The following FAF1 variants were observed in gnomAD, a reference collection of about 807,000 sequenced individuals.
FAF1 encodes FAS-associated factor 1.
Under a neutral mutation model 92.5 loss-of-function variants are expected in FAF1, and 25 were observed. That is an observed-to-expected ratio of 0.27 (90% CI 0.20 to 0.38). FAF1 has a LOEUF of 0.38. FAF1 is among the 10% of genes least tolerant of loss of function. The probability of loss-of-function intolerance (pLI) is 1.00; values close to 1 mark genes in which losing one functional copy is unlikely to be tolerated. For synonymous variants in FAF1, 234 were observed against 273.2 expected, an observed-to-expected ratio of 0.86 and a Z score of 1.42; for missense variants, 636 against 793.3, an observed-to-expected ratio of 0.80 and a Z score of 2.38.
At chr1:50,714,556 CCA>C (rs1206126493) in intron 6 of FAF1, among the ~76,000 whole-genome samples, 1 of 151,952 alleles carries the variant, frequency 6.6e-6, no homozygotes, top group Non-Finnish European at 1.5e-5. Flanking sequence ...AAAAAAACCT[CCA>C]CATCTTCATG....
At chr1:50,833,901 G>A (rs1411730324) in intron 2 of FAF1, among the ~76,000 whole-genome samples, 1 of 152,182 alleles carries the variant, frequency 6.6e-6, no homozygotes, top group East Asian at 1.9e-4. Context: ...CACATTCCAG[G>A]CGCTCATGAA....
At chr1:50,588,395 C>G (rs1230189560) in intron 9 of FAF1, among the ~76,000 whole-genome samples, 1 of 152,172 alleles carries the variant, frequency 6.6e-6, no homozygotes, top group Non-Finnish European at 1.5e-5. Context: ...TTGGTGGTAT[C>G]ATCTTTCCGA....
chr1:50,842,777 A>AT (rs1644266086), intron 2 of FAF1, among the ~76,000 whole-genome samples: 1 of 152,036 alleles, frequency 6.6e-6, no homozygotes. Flanking sequence ...CCCCCTCTAT[A>AT]TCTTTAGTCA....
At chr1:50,907,548 A>G (rs1417507113) in intron 1 of FAF1, among the ~76,000 whole-genome samples, 3 of 152,158 alleles carry the variant, frequency 2.0e-5, no homozygotes, top group African/African-American at 7.2e-5. Flanking sequence ...TTATTGCCTC[A>G]ATTTCAGAGC....
intron 4 of FAF1, among the ~76,000 whole-genome samples, chr1:50,753,356 T>C (rs906385062): frequency 1.3e-5 from 2 of 152,264 alleles, no homozygotes; most frequent in African/African-American, 4.8e-5. Context: ...CTTTTATTAA[T>C]AAGTATACCA....
At chr1:50,648,254 G>A (rs988958097) in intron 8 of FAF1, among the ~76,000 whole-genome samples, 15 of 151,636 alleles carry the variant, frequency 9.9e-5, no homozygotes, top group South Asian at 2.1e-4. Flanking sequence ...GTGAAACTCC[G>A]TCTCAAAACA....
intron 9 of FAF1, among the ~76,000 whole-genome samples, chr1:50,585,330 C>G (rs1281625100): frequency 6.6e-6 from 1 of 152,108 alleles, no homozygotes; most frequent in Non-Finnish European, 1.5e-5. Context: ...TATGAAAGCT[C>G]TTTGTAAACT....
chr1:50,682,579 C>G (rs1345732636), intron 7 of FAF1, among the ~76,000 whole-genome samples: 2 of 152,172 alleles, frequency 1.3e-5, no homozygotes, highest in African/African-American at 4.8e-5. Flanking sequence ...GATGGCAGAA[C>G]TCCAAAACAA....
At chr1:50,647,647 C>T (rs1654655477) in intron 8 of FAF1, among the ~76,000 whole-genome samples, 1 of 152,188 alleles carries the variant, frequency 6.6e-6, no homozygotes, top group African/African-American at 2.4e-5. Flanking sequence ...TTAAGGCATT[C>T]TTTCTAGTAC....
At chr1:50,720,382 A>G (rs1449770698) in intron 6 of FAF1, among the ~76,000 whole-genome samples, 1 of 152,238 alleles carries the variant, frequency 6.6e-6, no homozygotes, top group African/African-American at 2.4e-5. Context: ...TTGAACAGTA[A>G]TCACAATGTA....
At chr1:50,532,172 TA>T (rs764460230) in intron 15 of FAF1, among the ~76,000 whole-genome samples, 2 of 152,156 alleles carry the variant, frequency 1.3e-5, no homozygotes, top group South Asian at 2.1e-4. Flanking sequence ...GAAGACACTC[TA>T]AAAACAAAGA....
chr1:50,930,568 G>A (rs1645039552), intron 1 of FAF1, among the ~76,000 whole-genome samples: 4 of 152,340 alleles, frequency 2.6e-5, no homozygotes, highest in South Asian at 2.1e-4. Context: ...AGGCACAGTG[G>A]CTCAAGCCTG....
At chr1:50,820,312 T>C (rs1175552673) in intron 2 of FAF1, among the ~76,000 whole-genome samples, 4 of 152,200 alleles carry the variant, frequency 2.6e-5, no homozygotes, top group African/African-American at 4.8e-5. Flanking sequence ...CCATGTGATG[T>C]TGGTGATGTT....
intron 1 of FAF1, among the ~76,000 whole-genome samples, chr1:50,860,470 C>T (rs942117516): frequency 4.0e-5 from 6 of 151,800 alleles, no homozygotes; most frequent in Non-Finnish European, 7.4e-5. Context: ...CAAAAGAAGA[C>T]GTACACATGG....
Position 50,723,392 on chromosome 1 carries a change from T to C in FAF1, c.551+15471A>G, listed in dbSNP as rs548790832. Among the ~76,000 whole-genome samples the C allele has an allele frequency of 4.0e-5, 6 of 148,606 alleles. No individual in the cohort carries two copies. In the South Asian group the frequency reaches 1.3e-3, roughly 32 times the overall value. On this transcript the variant is annotated intron_variant, in intron 6 of 18. Coordinates refer to ENST00000396153, the MANE Select transcript of FAF1 (RefSeq NM_007051.3). ...TCCAGCCTGTGCAACAGAGCAAGACTGTCTCCAAAAAAAAAAAAAAAATAA... is the reference window on the plus strand; with the variant it reads ...TCCAGCCTGTGCAACAGAGCAAGACCGTCTCCAAAAAAAAAAAAAAAATAA...
At chr1:50,830,703 T>C (rs2124631534) in intron 2 of FAF1, among the ~76,000 whole-genome samples, 1 of 152,152 alleles carries the variant, frequency 6.6e-6, no homozygotes, top group South Asian at 2.1e-4. Context: ...CCATCTCATT[T>C]TAAAATAAAA....
chr1:50,878,985 C>A (rs1644591045), intron 1 of FAF1, among the ~76,000 whole-genome samples: 1 of 152,122 alleles, frequency 6.6e-6, no homozygotes, highest in Non-Finnish European at 1.5e-5. Flanking sequence ...GTGGCTTATG[C>A]CTATAATCCC....
rs186573701 is a variant in FAF1 at position 50,710,856 on chromosome 1, C to T, written c.552-4965G>A. ...TGACCTCGTGATCCGCCCATCTCAG[C>T]CTCCCAAAGTGCTGGGATTATAGGC... On this transcript the variant is annotated intron_variant, in intron 6 of 18. Coordinates refer to ENST00000396153, the MANE Select transcript of FAF1 (RefSeq NM_007051.3). Among the ~76,000 whole-genome samples the T allele has an allele frequency of 2.6e-5, 4 of 151,572 alleles. No homozygotes were observed. In the East Asian group the frequency reaches 7.8e-4, roughly 30 times the overall value.
At chr1:50,518,655 T>C (rs1385870220) in intron 15 of FAF1, among the ~76,000 whole-genome samples, 1 of 152,086 alleles carries the variant, frequency 6.6e-6, no homozygotes, top group Non-Finnish European at 1.5e-5. Context: ...TTAGCCAGGA[T>C]GGTCTCAATC....
Sources: gnomAD v4.1 joint callset for allele counts (sites outside exome capture counted in the v4.1 genomes callset) on GRCh38, gnomAD v4.1.1 for gene constraint, MANE v1.5 for transcripts, NCBI Gene and HGNC (gene_info 2026-07-23, HGNC 2026-07-21) for gene names.